Variants in NSD2 observed in about 807,000 individuals in gnomAD.
NSD2 encodes the protein nuclear receptor binding SET domain protein 2.
Under a neutral mutation model 139.0 loss-of-function variants are expected in NSD2, and 12 were observed. The ratio of observed to expected loss-of-function variants is 0.09; its 90% confidence interval spans 0.06 to 0.14. NSD2 has a LOEUF of 0.14. NSD2 is among the 10% of genes least tolerant of loss of function. The pLI, the probability that NSD2 is intolerant of heterozygous loss-of-function variation, is 1.00. For synonymous variants in NSD2, 669 were observed against 648.7 expected (o/e 1.03, Z -0.48); for missense variants, 1,155 against 1,745.0 (o/e 0.66, Z 6.02).
At chr4:1,882,591 G>A (rs925986560) in intron 1 of NSD2, among the ~76,000 whole-genome samples, 2 of 152,184 alleles carry the variant, frequency 1.3e-5, no homozygotes, top group African/African-American at 4.8e-5. Context: ...GTGAACCCGG[G>A]AGGTGGAGCT....
intron 5 of NSD2, among the ~76,000 whole-genome samples, chr4:1,924,431 T>G (rs1158946469): frequency 6.6e-6 from 1 of 152,048 alleles, no homozygotes; most frequent in African/African-American, 2.4e-5. Flanking sequence ...TTCACTAGTT[T>G]GGAATTGTGA....
At chr4:1,938,593 T>TGGGCTGGGGGGGGGGGGG in intron 8 of NSD2, 61 bp downstream of exon 8, 1 of 515,358 alleles carries the variant, frequency 1.9e-6, no homozygotes. Context: ...GCTGGGTGGG[T>TGGGCTGGGGGGGGGGGGG]GGGCTGAGAG....
intron 9 of NSD2, chr4:1,944,286 C>T (rs1295931891): frequency 9.4e-7 from 1 of 1,066,276 alleles, no homozygotes; most frequent in Non-Finnish European, 1.1e-6. Context: ...GTGGAAACGG[C>T]TCTTGTTTGA....
At chr4:1,967,446 C>G (rs368243950) in intron 18 of NSD2, among the ~76,000 whole-genome samples, 1 of 152,140 alleles carries the variant, frequency 6.6e-6, no homozygotes, top group African/African-American at 2.4e-5. Context: ...GGCGTGGTGG[C>G]GGGCGCCCAT....
rs1724664675 is a variant in NSD2, at chr4:1,955,058, T to C, written c.2339-103T>C. On this transcript the variant is annotated intron_variant, in intron 12 of 21. Transcript: ENST00000508803. This position sits in a 1 kb window ranked among gnomAD's most constrained non-coding sequence, Gnocchi z 4.7. ...CAAATACCTCCATTTCATTTTAGCA[T>C]TAACTTTTCAAATTCATGGAGGCTG... is the stretch of plus-strand genomic sequence containing the variant. 7.9e-7 allele frequency: 1 copy of C among 1,264,480 alleles called. No individual in the cohort carries two copies. The highest frequency in any genetic ancestry group is 1.5e-5 in the African/African-American group (1 of 67,128). The allele number at this position is 1,264,480 out of a possible 1,614,324, so 78.3% of individuals were successfully genotyped here. A position where few individuals can be genotyped will look rare whatever the true frequency, so the allele number is the denominator to read the frequency against.
At chr4:1,946,873 A>G (rs1211438285) in intron 9 of NSD2, 1 of 1,058,420 alleles carries the variant, frequency 9.4e-7, no homozygotes, top group African/African-American at 1.7e-5. Flanking sequence ...ATACCTTTGA[A>G]CTCCATGGTT....
In NSD2 at chr4:1,958,058, C is replaced by T. The variant is rs754360203; in HGVS notation, c.2985+22C>T. 18 of 1,610,390 alleles carry T rather than the reference C, an allele frequency of 1.1e-5. No individual in the cohort carries two copies. Among genetic ancestry groups the T allele is most frequent in the Admixed American group, 1.7e-5 (1 of 59,802 alleles). ...CAAGGTGGCGTGTGGGAGCTGCGTG[C>T]ACGCGTGTGGAGGGAGTCTTCCCCG... On this transcript the variant is annotated intron_variant, in intron 16 of 21. Transcript: ENST00000508803. This position sits in a 1 kb window ranked among gnomAD's most constrained non-coding sequence, Gnocchi z 4.6.
Position 1,908,867 on chromosome 4 carries a change from ACTC to A in NSD2, c.760+4492_760+4494del, listed in dbSNP as rs557389981. 7.4e-4 allele frequency among the ~76,000 whole-genome samples: 112 copies of A among 151,766 alleles called. 1 individual carries two copies. The highest frequency in any genetic ancestry group is 1.5e-3 in the Non-Finnish European group (101 of 67,878). On this transcript the variant is annotated intron_variant, in intron 3 of 21. Transcript: ENST00000508803. ...CAATCATAGCTCACTCCAGGCTCAA[ACTC>A]CTGGGCTCAGGTCATCTTCTTCCTG...
At chr4:1,929,142 T>C (rs1721319936) in intron 5 of NSD2, among the ~76,000 whole-genome samples, 1 of 151,894 alleles carries the variant, frequency 6.6e-6, no homozygotes, top group Non-Finnish European at 1.5e-5. Flanking sequence ...TGGGTGTTGG[T>C]GTCCAGGCCA....
At chr4:1,874,590 G>A (rs1197935056) in intron 1 of NSD2, among the ~76,000 whole-genome samples, 1 of 152,138 alleles carries the variant, frequency 6.6e-6, no homozygotes, top group Non-Finnish European at 1.5e-5. Flanking sequence ...TCTCTGTTTT[G>A]TAAGTAATGG....
intron 1 of NSD2, among the ~76,000 whole-genome samples, chr4:1,875,572 G>A (rs1714189372): frequency 6.6e-6 from 1 of 152,032 alleles, no homozygotes; most frequent in South Asian, 2.1e-4. Flanking sequence ...TTAAAGAATT[G>A]ATTGATTTGA....
chr4:1,939,124 G>A (rs1410321588), intron 8 of NSD2, among the ~76,000 whole-genome samples: 1 of 152,084 alleles, frequency 6.6e-6, no homozygotes, highest in Non-Finnish European at 1.5e-5. Context: ...CCCTGGGGAG[G>A]AGAGTGGCAA....
rs1027089911 is a variant in NSD2, at chr4:1,918,478, C to T, written c.1265C>T (p.Thr422Ile). 1 of 1,614,054 alleles carries T rather than the reference C, an allele frequency of 6.2e-7. No homozygotes were observed. Among genetic ancestry groups the T allele is most frequent in the Non-Finnish European group, 8.5e-7 (1 of 1,180,008 alleles). ...LESHPDIGKSTPQKTAEADPR... is the reference protein window; with the variant it reads ...LESHPDIGKSIPQKTAEADPR... Reference sequence around the variant, plus strand: ...AGTCACCCCGACATAGGGAAGAGTACTCCTCAAAAGACGGCAGAGGCTGAC... The same window carrying T: ...AGTCACCCCGACATAGGGAAGAGTATTCCTCAAAAGACGGCAGAGGCTGAC... Residue 422 changes from threonine to isoleucine, a missense_variant, in exon 5 of 22, where the codon ACT becomes ATT. By Grantham distance (89) the Thr-to-Ile change is moderately conservative. Around this residue, in one of 8 missense-constraint regions of NSD2, gnomAD observed 420 missense variants for 469.0 expected, o/e 0.90. Coordinates refer to ENST00000508803, the MANE Select transcript of NSD2 (RefSeq NM_001042424.3).
In NSD2 at chr4:1,982,118, A is replaced by G; in HGVS notation, c.*3209A>G. Reference sequence around the variant, plus strand: ...AGTTGAGACTTGCCAGTTGGGGGAAAATAGCATTTAAAATGGAAAGCTGTG... The same window carrying G: ...AGTTGAGACTTGCCAGTTGGGGGAAGATAGCATTTAAAATGGAAAGCTGTG... On this transcript the variant is annotated 3_prime_UTR_variant, in exon 22 of 22. Coordinates refer to ENST00000508803, the MANE Select transcript of NSD2 (RefSeq NM_001042424.3). The G allele has an allele frequency of 2.5e-6, 1 of 396,364 alleles. No individual in the cohort carries two copies. Among genetic ancestry groups the G allele is most frequent in the Non-Finnish European group, 4.4e-6 (1 of 225,166 alleles). The allele number at this position is 396,364 out of a possible 1,614,324, so 24.6% of individuals were successfully genotyped here.
intron 5 of NSD2, 184 bp downstream of exon 5, chr4:1,918,807 C>T: frequency 2.5e-6 from 2 of 807,726 alleles, no homozygotes; most frequent in South Asian, 2.0e-5. Flanking sequence ...AGATACTCGA[C>T]TTGCACTCTG....
intron 9 of NSD2, among the ~76,000 whole-genome samples, chr4:1,949,851 C>T (rs1015706242): frequency 5.3e-5 from 8 of 151,988 alleles, no homozygotes; most frequent in East Asian, 3.9e-4. Flanking sequence ...TTTCTTCCAC[C>T]GCTCCCTGCA....
At chr4:1,925,772 A>ATATTT (rs1398178074) in intron 5 of NSD2, among the ~76,000 whole-genome samples, 1 of 148,856 alleles carries the variant, frequency 6.7e-6, no homozygotes, top group African/African-American at 2.5e-5. Flanking sequence ...CTATATATAT[A>ATATTT]TTTTTTTTTG....
chr4:1,896,883 A>C (rs1716417358), intron 1 of NSD2, among the ~76,000 whole-genome samples: 1 of 150,396 alleles, frequency 6.6e-6, no homozygotes, highest in Admixed American at 6.7e-5. Context: ...TAAGAAAGAT[A>C]GTTAAACCCG....
At chr4:1,971,668 A>AC (rs1726496343) in intron 18 of NSD2, among the ~76,000 whole-genome samples, 1 of 152,046 alleles carries the variant, frequency 6.6e-6, no homozygotes, top group Non-Finnish European at 1.5e-5. Context: ...GGAGGAGGGG[A>AC]CCTGGGACCT....
Sources: allele counts gnomAD v4.1 joint callset (sites outside exome capture counted in the v4.1 genomes callset), GRCh38; gene constraint gnomAD v4.1.1; regional missense constraint gnomAD v4.1.1; non-coding constraint Gnocchi (gnomAD v3.1); transcripts MANE v1.5; gene names NCBI Gene and HGNC (gene_info 2026-07-23, HGNC 2026-07-21).